The following PTPRD variants were observed in gnomAD, a reference collection of about 807,000 sequenced individuals.
The protein encoded by PTPRD is protein tyrosine phosphatase receptor type D, also known as receptor-type tyrosine-protein phosphatase delta.
In PTPRD, 34 loss-of-function variants were observed where a neutral mutation model predicts 214.5. The observed-to-expected ratio is 0.16, with a 90% CI of 0.12 to 0.21. The LOEUF is 0.21. Among genes scored for constraint, PTPRD ranks in the 10% least tolerant of loss-of-function variants. The probability of loss-of-function intolerance (pLI) is 1.00; values close to 1 mark genes in which losing one functional copy is unlikely to be tolerated. For missense variants in PTPRD, 2,545 were observed against 2,398.7 expected, an observed-to-expected ratio of 1.06 and a Z score of -1.27; for synonymous variants, 1,128 against 845.7, an observed-to-expected ratio of 1.33 and a Z score of -5.79.
chr9:8,694,788 G>C (rs1008840337), intron 12 of PTPRD, among the ~76,000 whole-genome samples: 2 of 151,820 alleles, frequency 1.3e-5, no homozygotes, highest in African/African-American at 4.8e-5. Context: ...TCTATGTTTA[G>C]CCTTCGGAGC....
chr9:9,835,211 A>G (rs1324211729), intron 5 of PTPRD, among the ~76,000 whole-genome samples: 1 of 152,154 alleles, frequency 6.6e-6, no homozygotes, highest in Non-Finnish European at 1.5e-5. Context: ...CGGATCCACT[A>G]ATCTTGGCTC....
At chr9:10,598,885 T>C (rs1416637003) in intron 2 of PTPRD, among the ~76,000 whole-genome samples, 4 of 151,492 alleles carry the variant, frequency 2.6e-5, no homozygotes, top group African/African-American at 9.7e-5. Context: ...CTACCAATTT[T>C]TGATATGATG....
intron 10 of PTPRD, among the ~76,000 whole-genome samples, chr9:9,037,397 C>A (rs2099625367): frequency 6.6e-6 from 1 of 152,072 alleles, no homozygotes; most frequent in East Asian, 1.9e-4. Context: ...TGTTAGCAAA[C>A]CTCACCTTAA....
chr9:8,945,752 C>T (rs1233620188), intron 11 of PTPRD, among the ~76,000 whole-genome samples: 3 of 152,114 alleles, frequency 2.0e-5, no homozygotes, highest in Non-Finnish European at 2.9e-5. Context: ...TCATCTTTGC[C>T]TGTGTACCTT....
intron 5 of PTPRD, among the ~76,000 whole-genome samples, chr9:9,894,818 T>C (rs959874021): frequency 2.0e-5 from 3 of 152,100 alleles, no homozygotes; most frequent in Non-Finnish European, 4.4e-5. Context: ...GTAATAAGTG[T>C]TTTTGAATAA....
intron 11 of PTPRD, among the ~76,000 whole-genome samples, chr9:8,868,482 G>T (rs182978650): frequency 1.4e-4 from 21 of 152,196 alleles, no homozygotes; most frequent in Admixed American, 5.2e-4. Context: ...GGGATTACAG[G>T]CATGAGCCAC....
intron 9 of PTPRD, among the ~76,000 whole-genome samples, chr9:9,245,545 C>G (rs2099972637): frequency 6.6e-6 from 1 of 151,730 alleles, no homozygotes; most frequent in Admixed American, 6.6e-5. Context: ...TGCATGTTCT[C>G]ACTCATAGGT....
At chr9:8,565,413 CA>C (rs1402373860) in intron 14 of PTPRD, among the ~76,000 whole-genome samples, 1 of 152,162 alleles carries the variant, frequency 6.6e-6, no homozygotes, top group African/African-American at 2.4e-5. Flanking sequence ...GGATAACATT[CA>C]TTTGTTATCA....
At chr9:10,025,793 TC>T (rs559023366) in intron 4 of PTPRD, among the ~76,000 whole-genome samples, 173 of 152,304 alleles carry the variant, frequency 1.1e-3, no homozygotes, top group African/African-American at 4.1e-3. Flanking sequence ...AACCTATTCA[TC>T]CCAAGTCAAG....
At chr9:8,531,081 A>G (rs1447569012) in intron 14 of PTPRD, among the ~76,000 whole-genome samples, 1 of 152,092 alleles carries the variant, frequency 6.6e-6, no homozygotes, top group Non-Finnish European at 1.5e-5. Context: ...ACTTCACTTA[A>G]GTTGAAAGAT....
intron 4 of PTPRD, among the ~76,000 whole-genome samples, chr9:9,963,393 C>T (rs1365301471): frequency 6.6e-6 from 1 of 151,340 alleles, no homozygotes; most frequent in Non-Finnish European, 1.5e-5. Flanking sequence ...AGAGAAATGC[C>T]TCTAAGTGTA....
chr9:8,803,984 G>A (rs138820446), intron 11 of PTPRD, among the ~76,000 whole-genome samples: 2 of 151,668 alleles, frequency 1.3e-5, no homozygotes, highest in East Asian at 2.0e-4. Context: ...ACGGAGTCTC[G>A]CTCTGTTGCC....
intron 39 of PTPRD, among the ~76,000 whole-genome samples, chr9:8,345,873 C>T (rs1374036599): frequency 6.6e-6 from 1 of 152,054 alleles, no homozygotes; most frequent in African/African-American, 2.4e-5. Flanking sequence ...ATTCTTCCAT[C>T]TGTATCAATT....
chr9:9,671,155 C>T (rs1395432298), intron 7 of PTPRD, among the ~76,000 whole-genome samples: 1 of 152,150 alleles, frequency 6.6e-6, no homozygotes, highest in Non-Finnish European at 1.5e-5. Context: ...GGGAAGCCAC[C>T]TCTTGCATAC....
chr9:9,738,060 C>T (rs1047362556), intron 6 of PTPRD, among the ~76,000 whole-genome samples: 1 of 148,136 alleles, frequency 6.8e-6, no homozygotes, highest in African/African-American at 2.5e-5. Flanking sequence ...AACGAGAACA[C>T]GTGGACACAG....
intron 8 of PTPRD, among the ~76,000 whole-genome samples, chr9:9,421,283 GAA>G (rs5896326): frequency 0.81 from 121,274 of 150,326 alleles, 48,844 homozygotes; most frequent in Non-Finnish European, 0.82. Context: ...CTGTCTTTGT[GAA>G]AAAAAAAAAA....
chr9:8,649,967 G>T lies in PTPRD; in HGVS notation c.65-13123C>A, dbSNP rs190566189. ...GGGTTTTACTCTGTTGCCTAGGCTG[G>T]ACTGCAGTTGCATAATCATGGTTCA... On this transcript the variant is annotated intron_variant, in intron 12 of 45. Coordinates refer to ENST00000381196, the MANE Select transcript of PTPRD (RefSeq NM_002839.4). Among the ~76,000 whole-genome samples the T allele has an allele frequency of 5.3e-3, 811 of 152,082 alleles. 15 individuals carry two copies. Among genetic ancestry groups the T allele is most frequent in the African/African-American group, 0.019 (783 of 41,504 alleles).
intron 11 of PTPRD, among the ~76,000 whole-genome samples, chr9:8,938,914 G>C (rs1256984906): frequency 1.3e-5 from 2 of 152,120 alleles, no homozygotes; most frequent in Non-Finnish European, 2.9e-5. Flanking sequence ...TATATGCTCA[G>C]CATTTGTCCA....
chr9:8,646,993 A>G (rs1408246971), intron 12 of PTPRD, among the ~76,000 whole-genome samples: 1 of 152,210 alleles, frequency 6.6e-6, no homozygotes, highest in African/African-American at 2.4e-5. Flanking sequence ...CGAATTAGCT[A>G]TGGAATACAA....
Sources: gnomAD v4.1 joint callset for allele counts (sites outside exome capture counted in the v4.1 genomes callset) on GRCh38, gnomAD v4.1.1 for gene constraint, MANE v1.5 for transcripts, NCBI Gene and HGNC (gene_info 2026-07-23, HGNC 2026-07-21) for gene names.